COL5A1: variants seen among roughly 807,000 people sequenced by gnomAD.
The protein encoded by COL5A1 is collagen alpha-1(V) chain.
A neutral mutation model predicts 263.7 loss-of-function variants in COL5A1; 16 were observed. That is an observed-to-expected ratio of 0.06 (90% CI 0.04 to 0.09). The LOEUF (loss-of-function observed/expected upper bound fraction) is 0.09. Among genes scored for constraint, COL5A1 ranks in the 10% least tolerant of loss-of-function variants. COL5A1 has a pLI of 1.00. For synonymous variants in COL5A1, 1,012 were observed against 1,004.5 expected (o/e 1.01, Z -0.14); for missense variants, 2,036 against 2,540.5 (o/e 0.80, Z 4.27).
intron 37 of COL5A1, among the ~76,000 whole-genome samples, chr9:134,800,468 G>A (rs779826059): frequency 1.3e-5 from 2 of 152,206 alleles, no homozygotes; most frequent in Non-Finnish European, 2.9e-5. Context: ...GTCTGGGCTG[G>A]GCACAGTGGC....
chr9:134,835,334 C>T lies in COL5A1; in HGVS notation c.5370+130C>T, dbSNP rs967754400. On this transcript the variant is annotated intron_variant, in intron 65 of 65. Transcript: ENST00000371817. ...GTGAGGGCCCCGGACCAGACTCTCG[C>T]CCCAGGCAGCCCCACAGTTGCAGGG... The T allele has an allele frequency of 8.0e-6, 6 of 752,496 alleles. No individual in the cohort carries two copies. In the Admixed American group the frequency reaches 1.1e-4, roughly 14 times the overall value. The allele number at this position is 752,496 out of a possible 1,614,324, so 46.6% of individuals were successfully genotyped here.
rs1831727331 is a variant in COL5A1, at chr9:134,652,504, G to A, written c.109+10208G>A. Among the ~76,000 whole-genome samples, 2 of 152,168 alleles carry A rather than the reference G, an allele frequency of 1.3e-5. No individual in the cohort carries two copies. Among genetic ancestry groups the A allele is most frequent in the African/African-American group, 4.8e-5 (2 of 41,422 alleles). On this transcript the variant is annotated intron_variant, in intron 1 of 65. Transcript: ENST00000371817. The surrounding 1 kb of genome is among the most constrained non-coding windows in gnomAD (Gnocchi z 4.4). ...GGCTTCTCAGCCCAGGCCATTTGGG[G>A]ACATGTGGCAATGTCTGGAGATGTT...
At position 134,727,246 on chromosome 9, in the gene COL5A1, G is replaced by T. The variant is rs1362184993; in HGVS notation, c.655-20G>T. On this transcript the variant is annotated intron_variant, in intron 4 of 65. Coordinates refer to ENST00000371817, the MANE Select transcript of COL5A1 (RefSeq NM_000093.5). Reference sequence around the variant, plus strand: ...AGTGCTCTGTGAGCTGCTTTTTCATGAGCGTCTCTTCTTTTCCAGGGTGAC... The same window carrying T: ...AGTGCTCTGTGAGCTGCTTTTTCATTAGCGTCTCTTCTTTTCCAGGGTGAC... The T allele has an allele frequency of 7.4e-6, 12 of 1,612,696 alleles. No homozygotes were observed. The highest frequency in any genetic ancestry group is 9.3e-6 in the Non-Finnish European group (11 of 1,179,924).
intron 4 of COL5A1, chr9:134,708,425 G>GGGC (rs1554782848): frequency 1.7e-5 from 7 of 408,720 alleles, no homozygotes; most frequent in African/African-American, 1.3e-4. Flanking sequence ...CTCCCGGGGT[G>GGGC]GGGGCTCTGG....
rs928227935 is a variant in COL5A1 at position 134,700,247 on chromosome 9, G to A, written c.491+125G>A. On this transcript the variant is annotated intron_variant, in intron 3 of 65. Transcript: ENST00000371817. The surrounding 1 kb of genome is among the most constrained non-coding windows in gnomAD (Gnocchi z 4.0). Reference sequence around the variant, plus strand: ...AGCCGGTACTGAGACTCCCACAGACGCCGCAGCAGAGGAGAGGGTGCTGGG... The same window carrying A: ...AGCCGGTACTGAGACTCCCACAGACACCGCAGCAGAGGAGAGGGTGCTGGG... 2 of 890,618 alleles carry A rather than the reference G, an allele frequency of 2.2e-6. No homozygotes were observed. The highest frequency in any genetic ancestry group is 1.7e-5 in the African/African-American group (1 of 60,280). 55.2% of individuals were successfully genotyped at this position (890,618 alleles called of 1,614,324 possible).
intron 63 of COL5A1, 32 bp downstream of exon 63, chr9:134,825,936 G>A (rs766650981): frequency 5.7e-5 from 83 of 1,466,972 alleles, no homozygotes; most frequent in South Asian, 3.0e-4. Context: ...TGGCCCCAGC[G>A]GGGCAGGCGT....
intron 11 of COL5A1, among the ~76,000 whole-genome samples, chr9:134,744,380 C>T (rs1424772468): frequency 6.6e-6 from 1 of 151,938 alleles, no homozygotes; most frequent in East Asian, 1.9e-4. Flanking sequence ...CCCACACATG[C>T]ATACATGCAC....
At chr9:134,764,805 C>T (rs1836597660) in intron 20 of COL5A1, among the ~76,000 whole-genome samples, 1 of 152,174 alleles carries the variant, frequency 6.6e-6, no homozygotes, top group Non-Finnish European at 1.5e-5. Flanking sequence ...CTCCTTAACA[C>T]ATGTCCAAGT....
intron 1 of COL5A1, among the ~76,000 whole-genome samples, chr9:134,645,531 C>A (rs540029866): frequency 6.6e-6 from 1 of 152,248 alleles, no homozygotes; most frequent in African/African-American, 2.4e-5. Flanking sequence ...TGCTCGGTCA[C>A]GTGACGTGGC....
intron 65 of COL5A1, among the ~76,000 whole-genome samples, chr9:134,835,828 G>A (rs370319011): frequency 2.0e-5 from 3 of 152,330 alleles, no homozygotes; most frequent in East Asian, 3.9e-4. Context: ...TACTCAGTGA[G>A]CTGGGCTCAC....
chr9:134,760,219 A>C, intron 18 of COL5A1, among the ~76,000 whole-genome samples: 1 of 107,998 alleles, frequency 9.3e-6, no homozygotes, highest in African/African-American at 3.8e-5. Flanking sequence ...ACACATGCAC[A>C]CACCACATGC....
At chr9:134,811,759 C>A (rs1405164542) in intron 46 of COL5A1, among the ~76,000 whole-genome samples, 160 bp downstream of exon 46, 2 of 152,244 alleles carry the variant, frequency 1.3e-5, no homozygotes, top group Admixed American at 1.3e-4. Context: ...GCTGTAGCTT[C>A]CCAGAATTCC....
At chr9:134,814,546 C>T (rs948197418) in intron 49 of COL5A1, among the ~76,000 whole-genome samples, 1 of 152,172 alleles carries the variant, frequency 6.6e-6, no homozygotes, top group Non-Finnish European at 1.5e-5. Context: ...GTCAGTCCCT[C>T]CCACCCAGAG....
chr9:134,776,260 A>T (rs936254325), intron 27 of COL5A1, among the ~76,000 whole-genome samples: 8 of 152,234 alleles, frequency 5.3e-5, no homozygotes, highest in African/African-American at 1.9e-4. Context: ...AATGCTGATT[A>T]TGTGAGTTCT....
rs1064794238 is a variant in COL5A1, at chr9:134,824,764, G to T, written c.4863G>T (p.Glu1621Asp). 3 of 1,614,204 alleles carry T rather than the reference G, an allele frequency of 1.9e-6. No individual in the cohort carries two copies. The highest frequency in any genetic ancestry group is 1.3e-5 in the African/African-American group (1 of 75,072). The change falls in exon 62 of 66, where the codon GAG (glutamate) becomes GAT (aspartate). Residue 1621 changes from glutamate (E) to aspartate (D), a missense_variant. Around this residue, in one of 3 missense-constraint regions of COL5A1, gnomAD observed 358 missense variants for 384.6 expected, o/e 0.93. Transcript: ENST00000371817. ...IFGSLNSLKLEIEQMKRPLGT... is the reference protein window; with the variant it reads ...IFGSLNSLKLDIEQMKRPLGT... ...GCTCTCTCAACTCTCTGAAGCTGGA[G>T]ATTGAGCAGATGAAACGGCCCCTGG...
At chr9:134,717,838 C>A (rs1001278951) in intron 4 of COL5A1, among the ~76,000 whole-genome samples, 4 of 152,140 alleles carry the variant, frequency 2.6e-5, no homozygotes, top group Non-Finnish European at 4.4e-5. Context: ...TTCCTGTGGA[C>A]CCTGTTTCGG....
chr9:134,764,416 G>T (rs1004607350), intron 20 of COL5A1, among the ~76,000 whole-genome samples: 25 of 57,608 alleles, frequency 4.3e-4, no homozygotes, highest in African/African-American at 2.7e-3. Context: ...GGGGCATTGT[G>T]GGGGGGGTCA....
Position 134,681,965 on chromosome 9 carries a change from C to T in COL5A1, c.110-8947C>T, listed in dbSNP as rs1832872511. Among the ~76,000 whole-genome samples the T allele has an allele frequency of 4.6e-5, 7 of 152,256 alleles. No homozygotes were observed. The South Asian group carries it at 1.5e-3, about 32-fold the overall frequency. On this transcript the variant is annotated intron_variant, in intron 1 of 65. Coordinates refer to ENST00000371817, the MANE Select transcript of COL5A1 (RefSeq NM_000093.5). The surrounding 1 kb of genome is among the most constrained non-coding windows in gnomAD (Gnocchi z 4.3). ...TCTCTCCCCATCTCTCCCTCCCTCT[C>T]TCTCTCTCTTGCTCTCTGTCTGTCC...
chr9:134,759,872 GCACACACACCACACAGGCA>G (rs1836233514), intron 18 of COL5A1, among the ~76,000 whole-genome samples: 1 of 53,196 alleles, frequency 1.9e-5, no homozygotes, highest in Non-Finnish European at 3.2e-5. Flanking sequence ...ACTCACACAT[GCACACACACCACACAGGCA>G]CACACACACC....
Sources: allele counts gnomAD v4.1 joint callset (sites outside exome capture counted in the v4.1 genomes callset), GRCh38; gene constraint gnomAD v4.1.1; regional missense constraint gnomAD v4.1.1; non-coding constraint Gnocchi (gnomAD v3.1); transcripts MANE v1.5; gene names NCBI Gene and HGNC (gene_info 2026-07-23, HGNC 2026-07-21).